KCNQ2: variants seen among roughly 807,000 people sequenced by gnomAD.
KCNQ2 encodes the protein potassium voltage-gated channel subfamily KQT member 2.
KCNQ2 carries 14 observed loss-of-function variants against 84.8 expected under a neutral mutation model. The ratio of observed to expected loss-of-function variants is 0.17; its 90% CI spans 0.11 to 0.26. The LOEUF (loss-of-function observed/expected upper bound fraction) is 0.26. Ranked by LOEUF, KCNQ2 falls within the 10% of genes least tolerant of loss-of-function variation. The pLI, the probability that KCNQ2 is intolerant of heterozygous loss-of-function variation, is 1.00. For missense variants in KCNQ2, 788 were observed against 1,254.0 expected (o/e 0.63, Z 5.61); for synonymous variants, 599 against 554.1 (o/e 1.08, Z -1.14).
chr20:63,471,825 T>C (rs1246802614), intron 1 of KCNQ2: 1 of 227,264 alleles, frequency 4.4e-6, no homozygotes, highest in Non-Finnish European at 8.5e-6. Flanking sequence ...GACCCAGCGC[T>C]GCCGCCGTCC....
chr20:63,419,882 CCT>C (rs1454638208), intron 11 of KCNQ2, among the ~76,000 whole-genome samples: 1 of 146,598 alleles, frequency 6.8e-6, no homozygotes, highest in Non-Finnish European at 1.5e-5. Context: ...GAAAAAAATC[CCT>C]GTTTTTTTTT....
chr20:63,444,175 G>T (rs1337230221), intron 4 of KCNQ2, among the ~76,000 whole-genome samples: 1 of 152,236 alleles, frequency 6.6e-6, no homozygotes, highest in African/African-American at 2.4e-5. Context: ...TGGCAGGATG[G>T]GGTCTCGGTC....
rs1457022783 is a variant in KCNQ2, at chr20:63,403,918, T to G, written c.*2726A>C. The G allele has an allele frequency of 6.6e-6, 1 of 152,264 alleles. No individual in the cohort carries two copies. The highest frequency in any genetic ancestry group is 1.5e-5 in the Non-Finnish European group (1 of 68,064). The allele number at this position is 152,264 out of a possible 1,614,324, so 9.4% of individuals were successfully genotyped here. Reference sequence around the variant, plus strand: ...TCCAGCCTCCTTCCCGCTGCACTTCTCTGAGGTGGGGCAGTAGGTGGCTGC... The same window carrying G: ...TCCAGCCTCCTTCCCGCTGCACTTCGCTGAGGTGGGGCAGTAGGTGGCTGC... On this transcript the variant is annotated 3_prime_UTR_variant, in exon 17 of 17. Transcript: ENST00000359125.
intron 1 of KCNQ2, among the ~76,000 whole-genome samples, chr20:63,465,483 G>A (rs1037392768): frequency 3.3e-5 from 5 of 152,168 alleles, no homozygotes; most frequent in Non-Finnish European, 5.9e-5. Flanking sequence ...GCCAGCGGTC[G>A]GCAGGGCCCT....
At chr20:63,437,604 A>G (rs2145705535) in intron 7 of KCNQ2, among the ~76,000 whole-genome samples, 1 of 152,296 alleles carries the variant, frequency 6.6e-6, no homozygotes, top group Non-Finnish European at 1.5e-5. Context: ...TCCTTCTTAT[A>G]AGGATGCATG....
chr20:63,460,233 A>C lies in KCNQ2; in HGVS notation c.296+11935T>G, dbSNP rs1230873927. ...GCAGGTCCCTCCCTGGCCTTACCCA[A>C]GCCCTTAGCAGCTTTGGGGAGCAAA... On this transcript the variant is annotated intron_variant, in intron 1 of 16. Transcript: ENST00000359125. The surrounding 1 kb of genome is among the most constrained non-coding windows in gnomAD (Gnocchi z 5.4). Among the ~76,000 whole-genome samples the C allele has an allele frequency of 6.6e-6, 1 of 152,074 alleles. No individual in the cohort carries two copies. The highest frequency in any genetic ancestry group is 1.5e-5 in the Non-Finnish European group (1 of 67,990).
At chr20:63,464,778 C>T (rs1468143948) in intron 1 of KCNQ2, among the ~76,000 whole-genome samples, 1 of 152,230 alleles carries the variant, frequency 6.6e-6, no homozygotes, top group African/African-American at 2.4e-5. Context: ...CATTGATCCG[C>T]ATTCAAACTT....
At chr20:63,419,555 T>G in intron 12 of KCNQ2, 64 bp downstream of exon 12, 1 of 1,507,656 alleles carries the variant, frequency 6.6e-7, no homozygotes, top group Non-Finnish European at 9.1e-7. Context: ...GAACCTCTAG[T>G]AAGCAGGGAG....
chr20:63,453,245 G>A (rs2081667681), intron 1 of KCNQ2, among the ~76,000 whole-genome samples: 1 of 152,250 alleles, frequency 6.6e-6, no homozygotes, highest in African/African-American at 2.4e-5. Flanking sequence ...CTGAGGCACC[G>A]TCGCCAGGGG....
chr20:63,416,835 C>A (rs1038536388), intron 12 of KCNQ2, among the ~76,000 whole-genome samples: 10 of 152,138 alleles, frequency 6.6e-5, no homozygotes, highest in African/African-American at 2.4e-4. Context: ...GGCCTGGACA[C>A]GCGGATCGCT....
intron 10 of KCNQ2, chr20:63,424,555 G>A: frequency 3.1e-6 from 1 of 321,624 alleles, no homozygotes; most frequent in African/African-American, 2.1e-5. Flanking sequence ...CGTGTTTGCT[G>A]AAGGAAGCTC....
Position 63,438,172 on chromosome 20 carries a change from C to G in KCNQ2, c.1023+453G>C, listed in dbSNP as rs531030507. 4 of 263,912 alleles carry G rather than the reference C, an allele frequency of 1.5e-5. No homozygotes were observed. In the South Asian group the frequency reaches 1.8e-4, roughly 12 times the overall value. 16.3% of individuals were successfully genotyped at this position (263,912 alleles called of 1,614,324 possible). ...TGTGGATGCCACAGTGGTCACTGCACGCTACCCACCCCCAAATGGTGGGAC... is the reference window on the plus strand; with the variant it reads ...TGTGGATGCCACAGTGGTCACTGCAGGCTACCCACCCCCAAATGGTGGGAC... On this transcript the variant is annotated intron_variant, in intron 7 of 16. Coordinates refer to ENST00000359125, the MANE Select transcript of KCNQ2 (RefSeq NM_172107.4). The surrounding 1 kb of genome is among the most constrained non-coding windows in gnomAD (Gnocchi z 5.1).
intron 12 of KCNQ2, among the ~76,000 whole-genome samples, chr20:63,418,263 G>A (rs546673423): frequency 5.6e-4 from 85 of 152,364 alleles, no homozygotes; most frequent in African/African-American, 1.8e-3. Context: ...CTCTGTGTGC[G>A]AGGGGCGTCC....
rs1307570415 is a variant in KCNQ2, at chr20:63,415,090, G to A, written c.1338C>T (p.Ser446=). 6.2e-7 allele frequency: 1 copy of A among 1,603,902 alleles called. No individual in the cohort carries two copies. The highest frequency in any genetic ancestry group is 8.5e-7 in the Non-Finnish European group (1 of 1,179,894). ...KVSLKDRVFS[S]PRGVAAKGKG... ...TCCCCTTGGCAGCCACGCCTCGGGGGCTGGAGAAGACACGATCTTTCAAAC... is the reference window on the plus strand; with the variant it reads ...TCCCCTTGGCAGCCACGCCTCGGGGACTGGAGAAGACACGATCTTTCAAAC... Residue 446 remains serine (S), a synonymous_variant, in exon 13 of 17, where the codon AGC becomes AGT. Coordinates refer to ENST00000359125, the MANE Select transcript of KCNQ2 (RefSeq NM_172107.4).
intron 15 of KCNQ2, chr20:63,411,644 C>T (rs1601559849): frequency 4.0e-6 from 1 of 250,580 alleles, no homozygotes; most frequent in Non-Finnish European, 9.1e-6. Flanking sequence ...GTGGCTTTTT[C>T]AGGAACAGAG....
At position 63,407,144 on chromosome 20, in the gene KCNQ2, C is replaced by T. The variant is rs543477138; in HGVS notation, c.2119G>A (p.Ala707Thr). The T allele has an allele frequency of 5.1e-5, 81 of 1,574,480 alleles. No homozygotes were observed. Among genetic ancestry groups the T allele is most frequent in the Middle Eastern group, 1.7e-4 (1 of 6,034 alleles). The change falls in exon 17 of 17, where the codon GCG (alanine) becomes ACG (threonine). Residue 707 changes from alanine (A) to threonine (T), a missense_variant. Ala to Thr is a moderately conservative substitution (Grantham distance 58, BLOSUM62 0). Transcript: ENST00000359125. The surrounding 1 kb of genome is among the most constrained non-coding windows in gnomAD (Gnocchi z 7.2). ...GQKNFSAPPA[A>T]PPVQCPPSTS... is the part of the protein sequence containing the mutation. The stretch of plus-strand genomic sequence containing the variant: ...GAGGGCGGACACTGGACAGGGGGCG[C>T]GGCCGGGGGCGCCGAGAAGTTCTTC...
In KCNQ2 at chr20:63,436,203, A is replaced by C. The variant is rs115484498; in HGVS notation, c.1024-2300T>G. 5.5e-3 allele frequency among the ~76,000 whole-genome samples: 845 copies of C among 152,298 alleles called. 4 individuals are homozygous for C. Among genetic ancestry groups the C allele is most frequent in the African/African-American group, 0.019 (801 of 41,564 alleles). On this transcript the variant is annotated intron_variant, in intron 7 of 16. Coordinates refer to ENST00000359125, the MANE Select transcript of KCNQ2 (RefSeq NM_172107.4). ...AAATCTTTCGTGAAAGGAAGAGTGA[A>C]TCGATGCGGCAAACCTCATTCTTGC...
At chr20:63,410,073 G>A (rs566478059) in intron 15 of KCNQ2, 5 of 251,194 alleles carry the variant, frequency 2.0e-5, no homozygotes, top group Admixed American at 5.6e-5. Context: ...CTCATGCTCC[G>A]CGGGGCTTCA....
chr20:63,418,748 C>A (rs1353130460), intron 12 of KCNQ2, among the ~76,000 whole-genome samples: 1 of 152,250 alleles, frequency 6.6e-6, no homozygotes, highest in Non-Finnish European at 1.5e-5. Flanking sequence ...CCCGCAAGCA[C>A]CAACGCCCCC....
Sources: gnomAD v4.1 joint callset for allele counts (sites outside exome capture counted in the v4.1 genomes callset) on GRCh38, gnomAD v4.1.1 for gene constraint, Gnocchi (gnomAD v3.1) non-coding constraint, MANE v1.5 for transcripts, NCBI Gene and HGNC (gene_info 2026-07-23, HGNC 2026-07-21) for gene names.